Variants in CAPN8 observed in about 807,000 individuals in gnomAD.
The protein encoded by CAPN8 is calpain 8.
Under a neutral mutation model 80.9 loss-of-function variants are expected in CAPN8, and 87 were observed. That is an observed-to-expected ratio of 1.07 (90% CI 0.90 to 1.28). CAPN8 has a LOEUF of 1.28. Ranked by LOEUF, CAPN8 falls within the 50% of genes most tolerant of loss-of-function variation. The pLI, the probability that CAPN8 is intolerant of heterozygous loss-of-function variation, is 0.00. For missense variants in CAPN8, 757 were observed against 702.0 expected (o/e 1.08, Z -0.89); for synonymous variants, 299 against 273.8 (o/e 1.09, Z -0.91).
Position 223,619,473 on chromosome 1 carries a change from G to A in CAPN8, c.975-20C>T. ...GACATCCTGGGGCAGAGGCACCAGA[G>A]GGCTCTCAGTGAAGAGGGCTGGGTT... On this transcript the variant is annotated intron_variant, in intron 8 of 20. Coordinates refer to ENST00000366872, the MANE Select transcript of CAPN8 (RefSeq NM_001143962.2). 1.3e-6 allele frequency: 2 copies of A among 1,551,298 alleles called. No homozygotes were observed. The highest frequency in any genetic ancestry group is 1.4e-5 in the African/African-American group (1 of 73,170).
chr1:223,558,192 C>T lies in CAPN8; in HGVS notation c.1536-25G>A, dbSNP rs1015241972. On this transcript the variant is annotated intron_variant, in intron 12 of 20. Transcript: ENST00000366872. ...TCTGAAATGCAAAGAAAGAAATAAA[C>T]CAAACATGAGTAAGTAAAAAGTACA... 22 of 398,612 alleles carry T rather than the reference C, an allele frequency of 5.5e-5. No individual in the cohort carries two copies. The Admixed American group carries it at 9.2e-4, about 17-fold the overall frequency. The allele number at this position is 398,612 out of a possible 1,614,324, so 24.7% of individuals were successfully genotyped here.
chr1:223,648,198 T>C (rs190657163), intron 2 of CAPN8, among the ~76,000 whole-genome samples: 5 of 152,204 alleles, frequency 3.3e-5, no homozygotes, highest in East Asian at 3.9e-4. Flanking sequence ...GGACCCAAGA[T>C]TGAGGGAAAC....
At chr1:223,635,414 G>T (rs1329750687) in intron 2 of CAPN8, among the ~76,000 whole-genome samples, 2 of 152,048 alleles carry the variant, frequency 1.3e-5, no homozygotes, top group Non-Finnish European at 2.9e-5. Flanking sequence ...TAGTCAGTGT[G>T]CCCAGAATCG....
At chr1:223,631,825 G>A (rs915793365) in intron 2 of CAPN8, among the ~76,000 whole-genome samples, 1 of 152,176 alleles carries the variant, frequency 6.6e-6, no homozygotes, top group Non-Finnish European at 1.5e-5. Flanking sequence ...GTCCTCTGGG[G>A]AGTGAAGGGG....
intron 7 of CAPN8, among the ~76,000 whole-genome samples, chr1:223,621,321 C>A (rs868620403): frequency 6.6e-6 from 1 of 151,160 alleles, no homozygotes; most frequent in Non-Finnish European, 1.5e-5. Context: ...GATTCGGCAC[C>A]CTCCTCCTCC....
Position 223,622,439 on chromosome 1 carries a change from G to A in CAPN8, c.899+376C>T, listed in dbSNP as rs568810162. ...CCTTGTTTCTTCTTGGTGCTGAGGG[G>A]TTTGGCCTTTGTCAGTGTCCAGTGT... is the stretch of plus-strand genomic sequence containing the variant. On this transcript the variant is annotated intron_variant, in intron 7 of 20. Transcript: ENST00000366872. 5.3e-5 allele frequency among the ~76,000 whole-genome samples: 8 copies of A among 152,308 alleles called. No individual in the cohort carries two copies. In the East Asian group the frequency reaches 1.2e-3, roughly 22 times the overall value.
intron 9 of CAPN8, among the ~76,000 whole-genome samples, chr1:223,618,811 C>G (rs1477759565): frequency 6.6e-6 from 1 of 152,232 alleles, no homozygotes; most frequent in Non-Finnish European, 1.5e-5. Flanking sequence ...CCCTCACAAC[C>G]CTGGCCTCCA....
chr1:223,609,736 C>T (rs1656986511), intron 11 of CAPN8, among the ~76,000 whole-genome samples: 2 of 152,206 alleles, frequency 1.3e-5, no homozygotes, highest in Non-Finnish European at 2.9e-5. Flanking sequence ...TGGCATTGAT[C>T]TTCCCAGTAC....
intron 2 of CAPN8, among the ~76,000 whole-genome samples, chr1:223,649,585 A>T (rs1160928117): frequency 6.6e-6 from 1 of 152,230 alleles, no homozygotes; most frequent in African/African-American, 2.4e-5. Flanking sequence ...TTTGCATGAA[A>T]TTCTGAAATC....
intron 13 of CAPN8, among the ~76,000 whole-genome samples, chr1:223,554,310 A>G (rs1656859706): frequency 1.3e-5 from 2 of 152,184 alleles, no homozygotes; most frequent in South Asian, 4.1e-4. Flanking sequence ...TTGCGTGAAA[A>G]CATGGGGTCA....
At chr1:223,542,357 C>A (rs1227617009) in intron 20 of CAPN8, among the ~76,000 whole-genome samples, 2 of 152,048 alleles carry the variant, frequency 1.3e-5, no homozygotes, top group Non-Finnish European at 2.9e-5. Flanking sequence ...ATTTTAGGTT[C>A]CACACTATTG....
intron 1 of CAPN8, among the ~76,000 whole-genome samples, chr1:223,657,795 C>T (rs1274900036): frequency 1.3e-5 from 2 of 152,010 alleles, no homozygotes; most frequent in African/African-American, 4.8e-5. Context: ...GAATAGATTC[C>T]TGTTCTTCAT....
chr1:223,632,473 A>T (rs962425814), intron 2 of CAPN8, among the ~76,000 whole-genome samples: 1 of 152,132 alleles, frequency 6.6e-6, no homozygotes, highest in South Asian at 2.1e-4. Flanking sequence ...CCTGGGCTCA[A>T]GCAGTCCTCC....
intron 2 of CAPN8, among the ~76,000 whole-genome samples, chr1:223,632,447 A>T (rs1296135756): frequency 6.6e-6 from 1 of 152,158 alleles, no homozygotes; most frequent in Admixed American, 6.5e-5. Flanking sequence ...ACCATGGCTC[A>T]CTGCAGCCTT....
Position 223,548,771 on chromosome 1 carries a change from C to A in CAPN8, c.1764+547G>T, listed in dbSNP as rs575867072. 3.0e-3 allele frequency among the ~76,000 whole-genome samples: 462 copies of A among 152,276 alleles called. 4 individuals are homozygous for A. Among genetic ancestry groups the A allele is most frequent in the Non-Finnish European group, 4.1e-3 (279 of 68,024 alleles). Reference sequence around the variant, plus strand: ...ACAGCAGCCAGAACAGCCTAACACACCATACTTCAATATCAAGTGAGGGTT... The same window carrying A: ...ACAGCAGCCAGAACAGCCTAACACAACATACTTCAATATCAAGTGAGGGTT... On this transcript the variant is annotated intron_variant, in intron 16 of 20. Coordinates refer to ENST00000366872, the MANE Select transcript of CAPN8 (RefSeq NM_001143962.2).
intron 2 of CAPN8, among the ~76,000 whole-genome samples, chr1:223,643,616 G>T (rs10799570): frequency 0.18 from 27,026 of 152,282 alleles, 2,996 homozygotes; most frequent in East Asian, 0.29. Flanking sequence ...TGGCCAGGCT[G>T]GTGGGCAGGG....
At chr1:223,621,682 C>T (rs1341146555) in intron 7 of CAPN8, among the ~76,000 whole-genome samples, 2 of 152,116 alleles carry the variant, frequency 1.3e-5, no homozygotes, top group Admixed American at 1.3e-4. Flanking sequence ...TACTGCCCCT[C>T]TGCGTGGTCA....
intron 2 of CAPN8, among the ~76,000 whole-genome samples, chr1:223,641,117 CT>C (rs1173458273): frequency 6.6e-6 from 1 of 152,090 alleles, no homozygotes; most frequent in Non-Finnish European, 1.5e-5. Flanking sequence ...CTAATGAACT[CT>C]TTGAAAGTTT....
intron 20 of CAPN8, among the ~76,000 whole-genome samples, 179 bp from the exon 21 acceptor site, chr1:223,542,038 G>A (rs1656479036): frequency 6.6e-6 from 1 of 151,996 alleles, no homozygotes; most frequent in African/African-American, 2.4e-5. Context: ...CTGAACCAGG[G>A]TACTACAGAA....
Sources: gnomAD v4.1 joint callset for allele counts (sites outside exome capture counted in the v4.1 genomes callset) on GRCh38, gnomAD v4.1.1 for gene constraint, MANE v1.5 for transcripts, NCBI Gene and HGNC (gene_info 2026-07-23, HGNC 2026-07-21) for gene names.